The following RBFOX1 variants were observed in gnomAD, a reference collection of about 807,000 sequenced individuals.
The protein encoded by RBFOX1 is RNA binding fox-1 homolog 1.
In RBFOX1, 8 loss-of-function variants were observed where a neutral mutation model predicts 57.7. That is an observed-to-expected ratio of 0.14 (90% CI 0.08 to 0.25). RBFOX1 has a LOEUF of 0.25. Ranked by LOEUF, RBFOX1 falls within the 10% of genes least tolerant of loss-of-function variation. The pLI, the probability that RBFOX1 is intolerant of heterozygous loss-of-function variation, is 1.00. For missense variants in RBFOX1, 611 were observed against 548.5 expected, an observed-to-expected ratio of 1.11 and a Z score of -1.14; for synonymous variants, 326 against 222.4, an observed-to-expected ratio of 1.47 and a Z score of -4.15.
intron 3 of RBFOX1, among the ~76,000 whole-genome samples, chr16:5,605,366 A>G (rs940041318): frequency 8.5e-5 from 13 of 152,218 alleles, no homozygotes; most frequent in Non-Finnish European, 2.9e-5. Flanking sequence ...CACCTCATTT[A>G]TAGACGGCAG....
At chr16:7,053,270 C>G (rs762199630) in intron 4 of RBFOX1, among the ~76,000 whole-genome samples, 1 of 152,122 alleles carries the variant, frequency 6.6e-6, no homozygotes. Flanking sequence ...TTGTTTTATG[C>G]AGTATCTCAG....
chr16:6,225,915 T>G (rs1328080515), intron 1 of RBFOX1, among the ~76,000 whole-genome samples: 2 of 152,216 alleles, frequency 1.3e-5, no homozygotes, highest in African/African-American at 2.4e-5. Flanking sequence ...TGCTTTTTGA[T>G]AGTTAATGGG....
chr16:7,393,558 C>T (rs149389860), intron 4 of RBFOX1, among the ~76,000 whole-genome samples: 7 of 152,230 alleles, frequency 4.6e-5, no homozygotes, highest in Admixed American at 2.6e-4. Context: ...GGAATGCTCT[C>T]TGGACAATGC....
At chr16:6,490,508 A>G (rs73526526) in intron 2 of RBFOX1, among the ~76,000 whole-genome samples, 2,980 of 152,300 alleles carry the variant, frequency 0.02, 107 homozygotes, top group African/African-American at 0.068. Flanking sequence ...CAGCTTACCA[A>G]TCTAAATTTG....
intron 14 of RBFOX1, among the ~76,000 whole-genome samples, chr16:7,704,588 A>G (rs1313471011): frequency 2.0e-5 from 3 of 152,158 alleles, no homozygotes; most frequent in Admixed American, 2.0e-4. Flanking sequence ...GCACTGTTCT[A>G]GACAGTGGGG....
intron 4 of RBFOX1, among the ~76,000 whole-genome samples, chr16:7,221,266 G>A (rs1181575590): frequency 1.3e-5 from 2 of 152,116 alleles, no homozygotes; most frequent in African/African-American, 4.8e-5. Flanking sequence ...GCCACAAGGA[G>A]GGTCTCAGAA....
chr16:5,967,005 T>TGGG (rs2059859133), intron 4 of RBFOX1, among the ~76,000 whole-genome samples: 5 of 41,512 alleles, frequency 1.2e-4, no homozygotes, highest in Non-Finnish European at 1.4e-4. Context: ...GGGGGGGGGG[T>TGGG]CAATAAATGA....
intron 2 of RBFOX1, among the ~76,000 whole-genome samples, chr16:6,553,285 G>A (rs1267069979): frequency 1.3e-5 from 2 of 152,344 alleles, no homozygotes; most frequent in African/African-American, 2.4e-5. Context: ...CCGATTTAGA[G>A]CAGACAGCAG....
intron 3 of RBFOX1, among the ~76,000 whole-genome samples, chr16:5,797,283 A>T (rs1377917230): frequency 6.6e-6 from 1 of 152,176 alleles, no homozygotes; most frequent in African/African-American, 2.4e-5. Context: ...AATGGTGTAG[A>T]CTTTCAGGAC....
At chr16:6,046,778 G>A (rs2095500183) in intron 1 of RBFOX1, among the ~76,000 whole-genome samples, 1 of 152,156 alleles carries the variant, frequency 6.6e-6, no homozygotes. Context: ...TCCCAGACAT[G>A]GAACATCTGG....
At chr16:6,925,666 G>T (rs764156984) in intron 3 of RBFOX1, among the ~76,000 whole-genome samples, 3 of 151,978 alleles carry the variant, frequency 2.0e-5, no homozygotes, top group Non-Finnish European at 4.4e-5. Context: ...GTAGGGCCTG[G>T]AATGCGTTAA....
At chr16:6,363,189 C>T (rs970280447) in intron 2 of RBFOX1, among the ~76,000 whole-genome samples, 1 of 152,216 alleles carries the variant, frequency 6.6e-6, no homozygotes, top group Non-Finnish European at 1.5e-5. Context: ...AATATAGAAA[C>T]TGTCAACTTC....
At chr16:6,056,728 A>G (rs2095618981) in intron 1 of RBFOX1, among the ~76,000 whole-genome samples, 1 of 152,094 alleles carries the variant, frequency 6.6e-6, no homozygotes, top group Non-Finnish European at 1.5e-5. Context: ...TCTAAATGAA[A>G]TTGTCTAGGA....
At chr16:6,368,462 G>T (rs1017698930) in intron 2 of RBFOX1, among the ~76,000 whole-genome samples, 1 of 152,208 alleles carries the variant, frequency 6.6e-6, no homozygotes, top group Non-Finnish European at 1.5e-5. Flanking sequence ...GGATCGTGCT[G>T]GTTCCTAATG....
At chr16:5,814,603 C>A (rs752177120) in intron 3 of RBFOX1, among the ~76,000 whole-genome samples, 2 of 152,176 alleles carry the variant, frequency 1.3e-5, no homozygotes, top group Non-Finnish European at 2.9e-5. Flanking sequence ...TCTTCTCATC[C>A]ACTTGTCTAT....
intron 4 of RBFOX1, among the ~76,000 whole-genome samples, chr16:7,455,936 A>T (rs2058424578): frequency 6.6e-6 from 1 of 152,132 alleles, no homozygotes; most frequent in Non-Finnish European, 1.5e-5. Flanking sequence ...TTAGGTAAAT[A>T]TTATTAATGT....
At chr16:6,397,595 A>G (rs900574448) in intron 2 of RBFOX1, among the ~76,000 whole-genome samples, 2 of 152,220 alleles carry the variant, frequency 1.3e-5, no homozygotes, top group Non-Finnish European at 1.5e-5. Flanking sequence ...ACTTAAAGAG[A>G]TGAATGAAGA....
intron 2 of RBFOX1, among the ~76,000 whole-genome samples, chr16:5,548,184 T>G (rs866350650): frequency 8.6e-6 from 1 of 115,812 alleles, no homozygotes; most frequent in Admixed American, 8.9e-5. Context: ...AATATATATA[T>G]ATATATATAT....
intron 3 of RBFOX1, among the ~76,000 whole-genome samples, chr16:5,773,538 T>A (rs998072283): frequency 1.3e-5 from 2 of 152,228 alleles, no homozygotes; most frequent in African/African-American, 4.8e-5. Flanking sequence ...TATTAGTTTT[T>A]TATTGATGGA....
Sources: gnomAD v4.1 joint callset for allele counts (sites outside exome capture counted in the v4.1 genomes callset) on GRCh38, gnomAD v4.1.1 for gene constraint, MANE v1.5 for transcripts, NCBI Gene and HGNC (gene_info 2026-07-23, HGNC 2026-07-21) for gene names.